DPP10: variants seen among roughly 807,000 people sequenced by gnomAD.
DPP10 encodes the protein inactive dipeptidyl peptidase 10.
Under a neutral mutation model 120.9 loss-of-function variants are expected in DPP10, and 33 were observed. That is an observed-to-expected ratio of 0.27 (90% CI 0.21 to 0.37). The LOEUF (loss-of-function observed/expected upper bound fraction) is 0.37. Ranked by LOEUF, DPP10 falls within the 10% of genes least tolerant of loss-of-function variation. DPP10 has a pLI of 1.00. For synonymous variants in DPP10, 337 were observed against 326.1 expected (o/e 1.03, Z -0.36); for missense variants, 816 against 942.8 (o/e 0.87, Z 1.76).
At chr2:115,058,648 A>T (rs1573459754) in intron 1 of DPP10, among the ~76,000 whole-genome samples, 1 of 151,786 alleles carries the variant, frequency 6.6e-6, no homozygotes. Context: ...TGATCCTCCC[A>T]CCTCAACCTC....
intron 3 of DPP10, among the ~76,000 whole-genome samples, chr2:115,379,434 C>G (rs1317236255): frequency 1.3e-5 from 2 of 151,902 alleles, no homozygotes; most frequent in Non-Finnish European, 2.9e-5. Context: ...CTATTTGATT[C>G]TTCTCTCTTT....
At chr2:115,471,755 C>CT (rs1448764090) in intron 3 of DPP10, among the ~76,000 whole-genome samples, 1 of 133,284 alleles carries the variant, frequency 7.5e-6, no homozygotes, top group African/African-American at 2.8e-5. Context: ...CCAGACTAGT[C>CT]TTTTTTTGTT....
At chr2:114,929,348 C>T (rs529568300) in intron 1 of DPP10, among the ~76,000 whole-genome samples, 33 of 152,290 alleles carry the variant, frequency 2.2e-4, no homozygotes, top group East Asian at 3.9e-4. Context: ...GACTAGAATT[C>T]GCCAGGCTGG....
At chr2:114,830,275 T>A (rs1465176311) in intron 1 of DPP10, among the ~76,000 whole-genome samples, 3 of 151,586 alleles carry the variant, frequency 2.0e-5, no homozygotes, top group Admixed American at 2.0e-4. Flanking sequence ...CTCCCATTCG[T>A]TTATCCCATC....
chr2:114,856,853 A>G (rs1689408757), intron 1 of DPP10, among the ~76,000 whole-genome samples: 1 of 152,218 alleles, frequency 6.6e-6, no homozygotes, highest in Non-Finnish European at 1.5e-5. Flanking sequence ...TCTATACTTC[A>G]AAGTTCAAAA....
intron 1 of DPP10, among the ~76,000 whole-genome samples, chr2:114,987,777 A>C (rs1345546436): frequency 1.4e-5 from 2 of 140,538 alleles, no homozygotes; most frequent in South Asian, 2.3e-4. Flanking sequence ...CTAGTACAAG[A>C]CTATACTCCT....
At chr2:114,454,711 CT>C (rs1417259470) in intron 1 of DPP10, among the ~76,000 whole-genome samples, 11 of 151,570 alleles carry the variant, frequency 7.3e-5, no homozygotes, top group Non-Finnish European at 1.0e-4. Context: ...TTTCTCAACC[CT>C]TTTTTTTTCC....
intron 1 of DPP10, among the ~76,000 whole-genome samples, chr2:114,922,388 C>A (rs1037118324): frequency 6.6e-6 from 1 of 152,224 alleles, no homozygotes; most frequent in African/African-American, 2.4e-5. Context: ...ACTCAGCTCA[C>A]TGCAACCTCC....
intron 1 of DPP10, among the ~76,000 whole-genome samples, chr2:114,841,539 T>TGG (rs34035479): frequency 1.3e-5 from 2 of 152,024 alleles, no homozygotes; most frequent in East Asian, 3.9e-4. Context: ...AGTCAGAGAA[T>TGG]GGGGAGAGAT....
At chr2:114,885,217 G>A (rs1691963797) in intron 1 of DPP10, among the ~76,000 whole-genome samples, 1 of 152,124 alleles carries the variant, frequency 6.6e-6, no homozygotes, top group African/African-American at 2.4e-5. Flanking sequence ...TACAATCACG[G>A]CAGAAGCCAA....
At chr2:115,827,563 A>G (rs1187004930) in intron 21 of DPP10, among the ~76,000 whole-genome samples, 1 of 150,352 alleles carries the variant, frequency 6.7e-6, no homozygotes, top group Non-Finnish European at 1.5e-5. Flanking sequence ...TTTGCATTTA[A>G]AAGTCAGTTA....
chr2:115,107,514 T>G (rs1254832821), intron 1 of DPP10, among the ~76,000 whole-genome samples: 1 of 130,944 alleles, frequency 7.6e-6, no homozygotes, highest in Non-Finnish European at 1.6e-5. Context: ...TATTTTAAAA[T>G]CCAGGAGCCA....
At chr2:115,787,251 A>C (rs1237916814) in intron 17 of DPP10, among the ~76,000 whole-genome samples, 1 of 152,196 alleles carries the variant, frequency 6.6e-6, no homozygotes, top group African/African-American at 2.4e-5. Context: ...AGAAAGTAGA[A>C]AATATTACTC....
chr2:114,791,823 T>C (rs2106241150), intron 1 of DPP10, among the ~76,000 whole-genome samples: 1 of 152,294 alleles, frequency 6.6e-6, no homozygotes, highest in Non-Finnish European at 1.5e-5. Context: ...TAATGGAAAA[T>C]GCAAACACGT....
At chr2:115,711,605 C>G (rs6760766) in intron 7 of DPP10, among the ~76,000 whole-genome samples, 1 of 152,048 alleles carries the variant, frequency 6.6e-6, no homozygotes, top group Non-Finnish European at 1.5e-5. Context: ...AAAAGATGCA[C>G]AGTTGGTAAA....
intron 1 of DPP10, among the ~76,000 whole-genome samples, chr2:114,811,092 T>C (rs1685132908): frequency 6.6e-6 from 1 of 152,176 alleles, no homozygotes; most frequent in Admixed American, 6.6e-5. Context: ...AACAATCAAA[T>C]GCTTTGCAGC....
At chr2:114,880,351 C>A (rs531193728) in intron 1 of DPP10, among the ~76,000 whole-genome samples, 1 of 152,052 alleles carries the variant, frequency 6.6e-6, no homozygotes, top group Non-Finnish European at 1.5e-5. Context: ...TTTTCATATT[C>A]GAGACTTCAA....
intron 1 of DPP10, among the ~76,000 whole-genome samples, chr2:114,647,508 A>G (rs576322924): frequency 6.6e-6 from 1 of 152,244 alleles, no homozygotes; most frequent in African/African-American, 2.4e-5. Context: ...ACTACATAAT[A>G]ATGATATCCT....
chr2:115,344,996 A>C (rs1219987233), intron 3 of DPP10, among the ~76,000 whole-genome samples: 1 of 152,222 alleles, frequency 6.6e-6, no homozygotes, highest in Non-Finnish European at 1.5e-5. Flanking sequence ...CTATATAAAG[A>C]GAATGTAATT....
Sources: gnomAD v4.1 joint callset for allele counts (sites outside exome capture counted in the v4.1 genomes callset) on GRCh38, gnomAD v4.1.1 for gene constraint, MANE v1.5 for transcripts, NCBI Gene and HGNC (gene_info 2026-07-23, HGNC 2026-07-21) for gene names.